Variants in PKIB observed in about 807,000 individuals in gnomAD.
The protein encoded by PKIB is PKI-beta.
A neutral mutation model predicts 4.5 loss-of-function variants in PKIB; 2 were observed. The observed-to-expected ratio is 0.44, with a 90% CI of 0.18 to 1.39. The LOEUF is 1.39. PKIB is among the 40% of genes most tolerant of loss of function. The probability of loss-of-function intolerance (pLI) is 0.27; values close to 1 mark genes in which losing one functional copy is unlikely to be tolerated. For synonymous variants in PKIB, 38 were observed against 36.0 expected (o/e 1.06, Z -0.20); for missense variants, 94 against 92.6 (o/e 1.02, Z -0.06).
chr6:122,650,742 T>C (rs1172213047), intron 2 of PKIB, among the ~76,000 whole-genome samples: 1 of 152,188 alleles, frequency 6.6e-6, no homozygotes, highest in Admixed American at 6.5e-5. Context: ...CACAAATTTA[T>C]TTCTCACCAT....
intron 2 of PKIB, among the ~76,000 whole-genome samples, chr6:122,489,798 A>G (rs1775886543): frequency 6.6e-6 from 1 of 152,226 alleles, no homozygotes; most frequent in East Asian, 1.9e-4. Flanking sequence ...AGACATGACA[A>G]CTCAATCCAT....
At chr6:122,708,437 GTA>G (rs1235066691) in intron 3 of PKIB, among the ~76,000 whole-genome samples, 4 of 152,248 alleles carry the variant, frequency 2.6e-5, no homozygotes, top group Non-Finnish European at 5.9e-5. Flanking sequence ...GTTTCTGAAA[GTA>G]TGTGAAAATT....
intron 4 of PKIB, among the ~76,000 whole-genome samples, chr6:122,721,577 G>A (rs968207999): frequency 2.0e-5 from 3 of 151,986 alleles, no homozygotes; most frequent in Admixed American, 6.6e-5. Context: ...GTTCTGGGAG[G>A]CACTCTAAAA....
At chr6:122,548,720 A>G (rs777199884) in intron 2 of PKIB, among the ~76,000 whole-genome samples, 4 of 152,334 alleles carry the variant, frequency 2.6e-5, no homozygotes, top group Admixed American at 6.5e-5. Context: ...TTTAAATTAC[A>G]TTGTTCAGAA....
intron 2 of PKIB, among the ~76,000 whole-genome samples, chr6:122,650,767 T>C (rs1776521578): frequency 6.6e-6 from 1 of 152,204 alleles, no homozygotes; most frequent in African/African-American, 2.4e-5. Context: ...ATGAAATGTG[T>C]GTCCTAAGGA....
At chr6:122,573,099 T>C (rs1773417586) in intron 2 of PKIB, among the ~76,000 whole-genome samples, 1 of 151,804 alleles carries the variant, frequency 6.6e-6, no homozygotes, top group South Asian at 2.1e-4. Context: ...AAAGAGGGAA[T>C]CCTCCCTAAG....
At chr6:122,544,488 A>T (rs1156853903) in intron 2 of PKIB, among the ~76,000 whole-genome samples, 1 of 151,934 alleles carries the variant, frequency 6.6e-6, no homozygotes, top group Non-Finnish European at 1.5e-5. Context: ...TGTCTGAAGT[A>T]CCCACCTCCC....
intron 3 of PKIB, among the ~76,000 whole-genome samples, chr6:122,676,597 A>G (rs960814736): frequency 6.6e-6 from 1 of 152,198 alleles, no homozygotes; most frequent in African/African-American, 2.4e-5. Flanking sequence ...AGATCATTTT[A>G]TGATTCCAGG....
At chr6:122,653,907 G>C (rs560423837) in intron 2 of PKIB, among the ~76,000 whole-genome samples, 28 of 152,276 alleles carry the variant, frequency 1.8e-4, no homozygotes, top group Non-Finnish European at 2.9e-4. Flanking sequence ...GCAGTTAGCG[G>C]AGATCGCGCC....
chr6:122,701,621 G>A, intron 3 of PKIB: 1 of 1,173,282 alleles, frequency 8.5e-7, no homozygotes, highest in East Asian at 2.6e-5. Context: ...TCTGTCTCAG[G>A]TACCCTTGCC....
intron 2 of PKIB, among the ~76,000 whole-genome samples, chr6:122,561,856 T>C (rs941861203): frequency 6.6e-6 from 1 of 152,090 alleles, no homozygotes; most frequent in Admixed American, 6.6e-5. Context: ...GGTTGGTGAG[T>C]TCTTACCCAT....
At chr6:122,523,248 A>G (rs1333293767) in intron 2 of PKIB, among the ~76,000 whole-genome samples, 3 of 152,160 alleles carry the variant, frequency 2.0e-5, no homozygotes, top group Non-Finnish European at 4.4e-5. Flanking sequence ...AATTGAGATA[A>G]TCATGTTGTT....
At chr6:122,655,640 T>C (rs1337165591) in intron 2 of PKIB, among the ~76,000 whole-genome samples, 1 of 152,094 alleles carries the variant, frequency 6.6e-6, no homozygotes, top group Non-Finnish European at 1.5e-5. Context: ...ACTGCCTTCA[T>C]GGAGGTAACA....
upstream of PKIB, among the ~76,000 whole-genome samples, chr6:122,607,259 A>G (rs930290687): frequency 1.2e-4 from 18 of 151,698 alleles, 1 homozygote; most frequent in Admixed American, 1.1e-3. Context: ...GGATCGCTTG[A>G]GCCCAGGAGT....
At chr6:122,524,084 A>G (rs547591745) in intron 2 of PKIB, among the ~76,000 whole-genome samples, 4 of 152,154 alleles carry the variant, frequency 2.6e-5, no homozygotes, top group Middle Eastern at 3.4e-3. Flanking sequence ...ATATTGATCT[A>G]TAGATTTCTT....
intron 2 of PKIB, among the ~76,000 whole-genome samples, chr6:122,549,869 TA>T (rs201253002): frequency 0.014 from 2,118 of 147,966 alleles, 52 homozygotes; most frequent in African/African-American, 0.05. Flanking sequence ...TATATGTATA[TA>T]AAAATATATA....
intron 2 of PKIB, among the ~76,000 whole-genome samples, chr6:122,664,598 G>A (rs1777142536): frequency 6.6e-6 from 1 of 151,964 alleles, no homozygotes; most frequent in African/African-American, 2.4e-5. Flanking sequence ...TTTTTGTAGA[G>A]GTAAAGTCTC....
intron 2 of PKIB, among the ~76,000 whole-genome samples, chr6:122,540,962 T>C (rs1274259787): frequency 2.0e-5 from 3 of 151,136 alleles, no homozygotes; most frequent in Non-Finnish European, 2.9e-5. Flanking sequence ...TTTTGATCTT[T>C]GTTGGTTTAA....
intron 2 of PKIB, chr6:122,643,511 A>C (rs980870340): frequency 6.6e-6 from 1 of 151,612 alleles, no homozygotes; most frequent in Non-Finnish European, 1.5e-5. Flanking sequence ...GATACGTTAC[A>C]AGTAAAGATC....
Sources: gnomAD v4.1 joint callset for allele counts (sites outside exome capture counted in the v4.1 genomes callset) on GRCh38, gnomAD v4.1.1 for gene constraint, MANE v1.5 for transcripts, NCBI Gene and HGNC (gene_info 2026-07-23, HGNC 2026-07-21) for gene names.